Variants in CDC14B observed in about 807,000 individuals in gnomAD.
CDC14B encodes cell division cycle 14B.
In CDC14B, 22 loss-of-function variants were observed where a neutral mutation model predicts 64.2. The observed-to-expected ratio is 0.34, with a 90% CI of 0.24 to 0.49. The LOEUF is 0.49. Among genes scored for constraint, CDC14B ranks in the 20% least tolerant of loss-of-function variants. The pLI is 0.99. For synonymous variants in CDC14B, 191 were observed against 215.8 expected (o/e 0.89, Z 1.01); for missense variants, 498 against 629.9 (o/e 0.79, Z 2.24).
intron 13 of CDC14B, among the ~76,000 whole-genome samples, chr9:96,508,666 G>A (rs1034972459): frequency 1.3e-5 from 2 of 152,246 alleles, no homozygotes; most frequent in African/African-American, 4.8e-5. Flanking sequence ...TAAGTGTGCA[G>A]TAAGGTTGTA....
chr9:96,613,178 G>A (rs1588082789), intron 1 of CDC14B, among the ~76,000 whole-genome samples: 1 of 152,326 alleles, frequency 6.6e-6, no homozygotes, highest in Middle Eastern at 3.4e-3. Context: ...GGAATGTGGA[G>A]GGTTTTGATC....
intron 9 of CDC14B, among the ~76,000 whole-genome samples, chr9:96,526,411 T>C (rs898299553): frequency 6.6e-6 from 1 of 151,980 alleles, no homozygotes; most frequent in Non-Finnish European, 1.5e-5. Flanking sequence ...GTGCAAACCA[T>C]GAGAAGACTC....
At chr9:96,527,095 T>G (rs931157027) in intron 9 of CDC14B, among the ~76,000 whole-genome samples, 3 of 152,210 alleles carry the variant, frequency 2.0e-5, no homozygotes, top group Admixed American at 6.5e-5. Context: ...TGAACATGTT[T>G]AAGACAGTTA....
intron 1 of CDC14B, among the ~76,000 whole-genome samples, chr9:96,618,899 G>C (rs887084239): frequency 6.6e-6 from 1 of 152,236 alleles, no homozygotes; most frequent in African/African-American, 2.4e-5. Flanking sequence ...GCAGCCCGCG[G>C]GGAGGAGCTG....
At chr9:96,570,376 T>C (rs904954310) in intron 1 of CDC14B, among the ~76,000 whole-genome samples, 1 of 152,240 alleles carries the variant, frequency 6.6e-6, no homozygotes, top group African/African-American at 2.4e-5. Context: ...AGACACTTTG[T>C]ATTTCCCCCT....
At chr9:96,566,732 G>A in intron 1 of CDC14B, 1 of 1,585,874 alleles carries the variant, frequency 6.3e-7, no homozygotes, top group Non-Finnish European at 8.6e-7. Context: ...GCGGGTGCCG[G>A]AGCCCCCAGG....
intron 1 of CDC14B, among the ~76,000 whole-genome samples, chr9:96,608,987 T>A (rs1194185919): frequency 6.6e-6 from 1 of 151,898 alleles, no homozygotes; most frequent in Non-Finnish European, 1.5e-5. Context: ...ATATATATAT[T>A]TTTGAGATGG....
chr9:96,607,413 CTT>C (rs999912549), intron 1 of CDC14B, among the ~76,000 whole-genome samples: 81 of 66,338 alleles, frequency 1.2e-3, no homozygotes, highest in Middle Eastern at 0.015. Context: ...AACGTGATGT[CTT>C]TTTTTTTTTT....
At chr9:96,589,108 G>C (rs940416032) in intron 1 of CDC14B, among the ~76,000 whole-genome samples, 9 of 152,178 alleles carry the variant, frequency 5.9e-5, no homozygotes, top group African/African-American at 1.2e-4. Context: ...GGCCGAGGCA[G>C]GTAGATTGCC....
intron 7 of CDC14B, among the ~76,000 whole-genome samples, chr9:96,536,834 A>G (rs1440040027): frequency 6.6e-6 from 1 of 152,196 alleles, no homozygotes; most frequent in African/African-American, 2.4e-5. Flanking sequence ...TGGGCTGAAA[A>G]GGGCTTTAGC....
In CDC14B at chr9:96,539,159, C is replaced by CAAGGATGCAA; in HGVS notation, c.565-20_565-19insTTGCATCCTT. On this transcript the variant is annotated intron_variant, in intron 6 of 13. Coordinates refer to ENST00000375241, the MANE Select transcript of CDC14B (RefSeq NM_033331.4). ...GCATTGCCTAAAATCCAAAAGAAAG[C>CAAGGATGCAA]TTTTAAGAACAAGGATGCAAATAAG... The CAAGGATGCAA allele has an allele frequency of 6.4e-7, 1 of 1,553,810 alleles. No individual in the cohort carries two copies. Among genetic ancestry groups the CAAGGATGCAA allele is most frequent in the Non-Finnish European group, 8.9e-7 (1 of 1,128,206 alleles).
intron 1 of CDC14B, chr9:96,566,747 G>GC (rs1844038498): frequency 6.3e-7 from 1 of 1,598,668 alleles, no homozygotes; most frequent in Non-Finnish European, 8.5e-7. Flanking sequence ...CCCAGGGGAA[G>GC]CCCCCGCCCT....
chr9:96,509,040 T>A (rs1033300247), intron 13 of CDC14B, among the ~76,000 whole-genome samples: 2 of 152,168 alleles, frequency 1.3e-5, no homozygotes, highest in African/African-American at 4.8e-5. Flanking sequence ...CCACTTCCAC[T>A]CCTGGGCTAT....
chr9:96,497,641 CTG>C (rs1179910510), downstream of CDC14B, among the ~76,000 whole-genome samples: 13 of 152,346 alleles, frequency 8.5e-5, no homozygotes, highest in African/African-American at 2.6e-4. Context: ...GCAGCGGCGA[CTG>C]TGCATTTTTA....
chr9:96,492,600 C>G (rs887166492), exon 14 of CDC14B: 3 of 152,266 alleles, frequency 2.0e-5, no homozygotes, highest in African/African-American at 7.2e-5. Flanking sequence ...AGAAATTAGC[C>G]GGGCGTGGTG....
chr9:96,513,408 C>T (rs1333515542), intron 12 of CDC14B, among the ~76,000 whole-genome samples: 4 of 152,214 alleles, frequency 2.6e-5, no homozygotes, highest in African/African-American at 7.2e-5. Context: ...CCCGGGCACT[C>T]GCGGCCTTCT....
At chr9:96,520,474 T>C (rs151104178) in intron 12 of CDC14B, among the ~76,000 whole-genome samples, 1 of 152,140 alleles carries the variant, frequency 6.6e-6, no homozygotes, top group Non-Finnish European at 1.5e-5. Context: ...GCCTCCCGCA[T>C]AGCCTGGTCT....
chr9:96,533,515 C>T (rs1294947875), intron 9 of CDC14B, among the ~76,000 whole-genome samples: 1 of 152,058 alleles, frequency 6.6e-6, no homozygotes, highest in African/African-American at 2.4e-5. Flanking sequence ...TAAATAAATC[C>T]TACTATCTTC....
At chr9:96,582,889 G>C (rs898928282) in intron 1 of CDC14B, among the ~76,000 whole-genome samples, 3 of 152,006 alleles carry the variant, frequency 2.0e-5, no homozygotes, top group Admixed American at 1.3e-4. Context: ...TTATATAATG[G>C]GCCTGGGTTG....
Sources: allele counts gnomAD v4.1 joint callset (sites outside exome capture counted in the v4.1 genomes callset), GRCh38; gene constraint gnomAD v4.1.1; transcripts MANE v1.5; gene names NCBI Gene and HGNC (gene_info 2026-07-23, HGNC 2026-07-21).